The following SNX8 variants were observed in gnomAD, a reference collection of about 807,000 sequenced individuals.
SNX8 encodes sorting nexin-8.
Under a neutral mutation model 51.6 loss-of-function variants are expected in SNX8, and 25 were observed. The ratio of observed to expected loss-of-function variants is 0.48; its 90% confidence interval spans 0.35 to 0.68. The LOEUF is 0.68. Among genes scored for constraint, SNX8 ranks in the 30% least tolerant of loss-of-function variants. The pLI is 0.00. For missense variants in SNX8, 695 were observed against 624.0 expected (o/e 1.11, Z -1.21); for synonymous variants, 324 against 277.0 (o/e 1.17, Z -1.68).
At chr7:2,257,560 C>T (rs1402374487) in intron 8 of SNX8, 46 bp from the exon 9 acceptor site, 7 of 1,595,828 alleles carry the variant, frequency 4.4e-6, no homozygotes, top group Non-Finnish European at 6.0e-6. Flanking sequence ...GATGCCTGCG[C>T]CAGGGCCCTG....
intron 4 of SNX8, among the ~76,000 whole-genome samples, chr7:2,271,516 G>C (rs1194674906): frequency 6.6e-6 from 1 of 152,154 alleles, no homozygotes; most frequent in Admixed American, 6.5e-5. Context: ...GTCAGACAGG[G>C]CCTTGTTTTA....
At chr7:2,281,721 G>A (rs1162501049) in intron 1 of SNX8, among the ~76,000 whole-genome samples, 1 of 152,136 alleles carries the variant, frequency 6.6e-6, no homozygotes, top group African/African-American at 2.4e-5. Flanking sequence ...GGCTGTGGAC[G>A]CAGGATGGGA....
At chr7:2,309,597 G>A (rs1476601770) in intron 1 of SNX8, among the ~76,000 whole-genome samples, 1 of 152,132 alleles carries the variant, frequency 6.6e-6, no homozygotes, top group East Asian at 1.9e-4. Context: ...CAGGTGTGGT[G>A]ACGCATGCCT....
intron 1 of SNX8, among the ~76,000 whole-genome samples, chr7:2,338,156 T>A (rs553364953): frequency 6.6e-6 from 1 of 151,572 alleles, no homozygotes; most frequent in Admixed American, 6.6e-5. Context: ...CGAAACCCCA[T>A]CTCTACTAAA....
At chr7:2,296,956 G>A (rs1796286610) in intron 1 of SNX8, among the ~76,000 whole-genome samples, 1 of 151,618 alleles carries the variant, frequency 6.6e-6, no homozygotes, top group Non-Finnish European at 1.5e-5. Flanking sequence ...ATATACAAAT[G>A]GCCAAAAAAT....
intron 7 of SNX8, among the ~76,000 whole-genome samples, chr7:2,261,057 G>A (rs1795323129): frequency 6.6e-6 from 1 of 152,238 alleles, no homozygotes; most frequent in Non-Finnish European, 1.5e-5. Context: ...GTGGAATGTG[G>A]GAAGGTTCTG....
At chr7:2,284,821 A>C (rs1795986386) in intron 1 of SNX8, among the ~76,000 whole-genome samples, 1 of 152,180 alleles carries the variant, frequency 6.6e-6, no homozygotes, top group Non-Finnish European at 1.5e-5. Context: ...TTCAATGTGA[A>C]TATTCCTTCT....
intron 4 of SNX8, 137 bp downstream of exon 4, chr7:2,271,713 C>T (rs1795647683): frequency 2.1e-6 from 2 of 964,706 alleles, no homozygotes; most frequent in Non-Finnish European, 1.5e-6. Context: ...GGAAAGAAGT[C>T]TTGTCCATGT....
In SNX8 at chr7:2,340,814, G is replaced by A. The variant is rs570425545; in HGVS notation, c.-66+13408C>T. On this transcript the variant is annotated intron_variant, in intron 1 of 5. Transcript: ENST00000435336. Reference sequence around the variant, plus strand: ...GGAGGTTGCAGTGACCCGAGGTTGCGCCACTGCACTCCAGCCTGGGTAACA... The same window carrying A: ...GGAGGTTGCAGTGACCCGAGGTTGCACCACTGCACTCCAGCCTGGGTAACA... Among the ~76,000 whole-genome samples, 74 of 134,632 alleles carry A rather than the reference G, an allele frequency of 5.5e-4. 2 individuals are homozygous for A. In the South Asian group the frequency reaches 0.016, roughly 29 times the overall value. The allele number at this position is 134,632 out of a possible 152,430, so 88.3% of individuals were successfully genotyped here.
intron 3 of SNX8, chr7:2,274,905 C>A: frequency 1.8e-6 from 1 of 554,618 alleles, no homozygotes. Flanking sequence ...CTCTGGTGGG[C>A]CAAGGCTGCC....
chr7:2,317,646 C>A (rs1796778426), upstream of SNX8, among the ~76,000 whole-genome samples: 1 of 151,968 alleles, frequency 6.6e-6, no homozygotes, highest in South Asian at 2.1e-4. Flanking sequence ...GAGCCCAGAA[C>A]CATGTCAGTT....
At chr7:2,341,980 C>T (rs1215392377) in intron 1 of SNX8, among the ~76,000 whole-genome samples, 2 of 150,438 alleles carry the variant, frequency 1.3e-5, no homozygotes, top group East Asian at 2.0e-4. Flanking sequence ...TAAAAATAGG[C>T]CGGGCCCGGT....
intron 1 of SNX8, chr7:2,299,215 A>C (rs1796338966): frequency 6.6e-6 from 1 of 152,184 alleles, no homozygotes; most frequent in African/African-American, 2.4e-5. Context: ...AGGGAACTGC[A>C]TATGAACCCC....
intron 1 of SNX8, among the ~76,000 whole-genome samples, chr7:2,333,104 G>A (rs1292186534): frequency 6.6e-6 from 1 of 150,390 alleles, no homozygotes; most frequent in Admixed American, 6.6e-5. Flanking sequence ...ATAGAGACGG[G>A]GGTCTCACTA....
chr7:2,314,212 G>A, intron 1 of SNX8, 116 bp downstream of exon 1: 2 of 1,085,558 alleles, frequency 1.8e-6, no homozygotes, highest in Non-Finnish European at 2.3e-6. Context: ...CCGAACGCGG[G>A]GCGCGGGGGC....
At chr7:2,267,088 T>G (rs537292032) in intron 5 of SNX8, among the ~76,000 whole-genome samples, 1 of 152,240 alleles carries the variant, frequency 6.6e-6, no homozygotes, top group South Asian at 2.1e-4. Context: ...CCTTGGCAAA[T>G]GACAGCCTCC....
At chr7:2,255,199 G>A in intron 10 of SNX8, 30 bp from the exon 11 acceptor site, 1 of 1,397,500 alleles carries the variant, frequency 7.2e-7, no homozygotes, top group African/African-American at 1.4e-5. Context: ...AACAAGATCA[G>A]CAGGCGGGGC....
chr7:2,283,391 C>T (rs937539109), intron 1 of SNX8, among the ~76,000 whole-genome samples: 25 of 152,208 alleles, frequency 1.6e-4, no homozygotes, highest in Admixed American at 1.6e-3. Context: ...TCACACACAC[C>T]CCCAGCTCCA....
rs1355214011 is a variant in SNX8 at position 2,257,406 on chromosome 7, C to T, written c.1093G>A (p.Glu365Lys). 6.2e-7 allele frequency: 1 copy of T among 1,610,344 alleles called. No individual in the cohort carries two copies. The highest frequency in any genetic ancestry group is 1.7e-5 in the Admixed American group (1 of 59,944). Residue 365 changes from glutamate to lysine, a missense_variant, in exon 9 of 11, where the codon GAG becomes AAG. By Grantham distance (56) the Glu-to-Lys change is moderately conservative (BLOSUM62 1). Transcript: ENST00000222990. ...QMMSATAQNR[E>K]PESVEQLESR... ...TCCAGCTGCTCCACGGACTCCGGCTCGCGGTTCTGCGCGGTGGCGCTCATC... is the reference window on the plus strand; with the variant it reads ...TCCAGCTGCTCCACGGACTCCGGCTTGCGGTTCTGCGCGGTGGCGCTCATC...
Sources: allele counts gnomAD v4.1 joint callset (sites outside exome capture counted in the v4.1 genomes callset), GRCh38; gene constraint gnomAD v4.1.1; transcripts MANE v1.5; gene names NCBI Gene and HGNC (gene_info 2026-07-23, HGNC 2026-07-21).